The following PAQR8 variants were observed in gnomAD, a reference collection of about 807,000 sequenced individuals.
PAQR8 encodes the protein progestin and adipoQ receptor family member 8, also known as membrane progestin receptor beta.
A neutral mutation model predicts 25.2 loss-of-function variants in PAQR8; 17 were observed. That is an observed-to-expected ratio of 0.67 (90% CI 0.46 to 1.01). The LOEUF is 1.01. Ranked by LOEUF, PAQR8 falls within the 50% of genes least tolerant of loss-of-function variation. The pLI is 0.00. For synonymous variants in PAQR8, 204 were observed against 190.6 expected (o/e 1.07, Z -0.58); for missense variants, 392 against 448.4 (o/e 0.87, Z 1.14).
At chr6:52,396,750 G>C (rs1763771492) in intron 1 of PAQR8, among the ~76,000 whole-genome samples, 1 of 152,200 alleles carries the variant, frequency 6.6e-6, no homozygotes, top group African/African-American at 2.4e-5. Flanking sequence ...GAAATGTTGA[G>C]ATAAAATCAG....
intron 1 of PAQR8, among the ~76,000 whole-genome samples, chr6:52,368,424 A>T (rs746755008): frequency 6.6e-6 from 1 of 151,908 alleles, no homozygotes; most frequent in East Asian, 1.9e-4. Flanking sequence ...AGATTTTTTT[A>T]ATTTTTGGGT....
rs761912288 is a variant in PAQR8 at position 52,404,303 on chromosome 6, G to A, written c.*25G>A. The A allele has an allele frequency of 2.0e-6, 3 of 1,530,718 alleles. No individual in the cohort carries two copies. The highest frequency in any genetic ancestry group is 1.2e-5 in the South Asian group (1 of 82,494). The allele number at this position is 1,530,718 out of a possible 1,614,324, so 94.8% of individuals were successfully genotyped here. A position where few individuals can be genotyped will look rare whatever the true frequency, so the allele number is the denominator to read the frequency against. ...AGGCTGGCAAGTGGGGCAACGTGTG[G>A]AGGAAGCCCCTCATAATTTGGAGAA... On this transcript the variant is annotated 3_prime_UTR_variant, in exon 2 of 2. Coordinates refer to ENST00000442253, the MANE Select transcript of PAQR8 (RefSeq NM_133367.5).
intron 1 of PAQR8, among the ~76,000 whole-genome samples, chr6:52,379,829 G>A (rs983413481): frequency 3.3e-5 from 5 of 152,024 alleles, no homozygotes; most frequent in African/African-American, 9.7e-5. Flanking sequence ...GGGTTTCACC[G>A]TGTTAGCCAG....
chr6:52,378,928 CT>C (rs1362858558), intron 1 of PAQR8, among the ~76,000 whole-genome samples: 3 of 151,772 alleles, frequency 2.0e-5, no homozygotes, highest in African/African-American at 7.3e-5. Context: ...GAAACCCCTT[CT>C]CTACTAAAAA....
chr6:52,388,691 C>T (rs1405000136), intron 1 of PAQR8, among the ~76,000 whole-genome samples: 1 of 152,158 alleles, frequency 6.6e-6, no homozygotes, highest in Non-Finnish European at 1.5e-5. Flanking sequence ...CTTTTGCAGC[C>T]TCTAGAAACT....
chr6:52,398,825 A>T (rs1444363405), intron 1 of PAQR8, among the ~76,000 whole-genome samples: 1 of 152,170 alleles, frequency 6.6e-6, no homozygotes, highest in East Asian at 1.9e-4. Context: ...AAGTGCTGGG[A>T]TTTACAGGCG....
Position 52,401,615 on chromosome 6 carries a change from G to A in PAQR8, c.-52-1547G>A, listed in dbSNP as rs149912273. Among the ~76,000 whole-genome samples, 1,119 of 152,188 alleles carry A rather than the reference G, an allele frequency of 7.4e-3. 12 individuals carry two copies. Among genetic ancestry groups the A allele is most frequent in the Non-Finnish European group, 6.9e-3 (470 of 67,990 alleles). On this transcript the variant is annotated intron_variant, in intron 1 of 1. Transcript: ENST00000442253. ...AGCATAATTTAAAAAATGAACAACA[G>A]TCTTTGCAATGAGATTTTATGTTAA...
chr6:52,372,552 A>G (rs1763431020), intron 1 of PAQR8, among the ~76,000 whole-genome samples: 1 of 152,130 alleles, frequency 6.6e-6, no homozygotes, highest in South Asian at 2.1e-4. Flanking sequence ...ACAACAGATT[A>G]CATTTAATGA....
rs377157923 is a variant in PAQR8, at chr6:52,403,276, C to T, written c.63C>T (p.Arg21=). The T allele has an allele frequency of 1.2e-6, 2 of 1,612,680 alleles. No homozygotes were observed. The highest frequency in any genetic ancestry group is 1.7e-6 in the Non-Finnish European group (2 of 1,178,898). Residue 21 remains arginine, a synonymous_variant, in exon 2 of 2, where the codon CGC becomes CGT. Coordinates refer to ENST00000442253, the MANE Select transcript of PAQR8 (RefSeq NM_133367.5). The stretch of plus-strand genomic sequence containing the variant: ...CGGTCAGCGGGCAGCAGCTGCGCCG[C>T]CTGCCCAAGATCCTGGAGGATGGGC... ...TLSVSGQQLR[R]LPKILEDGLP...
At chr6:52,368,152 CAT>C (rs924859770) in intron 1 of PAQR8, among the ~76,000 whole-genome samples, 6 of 152,196 alleles carry the variant, frequency 3.9e-5, no homozygotes, top group Admixed American at 6.5e-5. Context: ...ACACGAGCCA[CAT>C]GAGTGAGTAA....
At position 52,406,194 on chromosome 6, in the gene PAQR8, G is replaced by A. The variant is rs10807445; in HGVS notation, c.*1916G>A. Reference sequence around the variant, plus strand: ...GAGGATGGGGGAATTGTGCAAATACGTTGTTAGTAGAAGGTCAATTTAAAA... The same window carrying A: ...GAGGATGGGGGAATTGTGCAAATACATTGTTAGTAGAAGGTCAATTTAAAA... On this transcript the variant is annotated 3_prime_UTR_variant, in exon 2 of 2. Transcript: ENST00000442253. 52,821 of 267,848 alleles carry A rather than the reference G, an allele frequency of 0.2. 6,364 individuals carry two copies. Among genetic ancestry groups the A allele is most frequent in the Non-Finnish European group, 0.26 (35,469 of 134,760 alleles). 16.6% of individuals were successfully genotyped at this position (267,848 alleles called of 1,614,324 possible).
At chr6:52,368,689 T>A (rs1763382989) in intron 1 of PAQR8, among the ~76,000 whole-genome samples, 3 of 152,204 alleles carry the variant, frequency 2.0e-5, no homozygotes, top group African/African-American at 7.2e-5. Context: ...CTGGACAGTT[T>A]TCAAAGTAGT....
In PAQR8 at chr6:52,403,186, C is replaced by G. The variant is rs369803709; in HGVS notation, c.-28C>G. 3.2e-6 allele frequency: 5 copies of G among 1,571,828 alleles called. No individual in the cohort carries two copies. The African/African-American group carries it at 6.8e-5, about 21-fold the overall frequency. ...GGTTGCATACCCTGTCCTGAGGGCGCGGCACGGAGTGCATGCGGGCCGCTG... is the reference window on the plus strand; with the variant it reads ...GGTTGCATACCCTGTCCTGAGGGCGGGGCACGGAGTGCATGCGGGCCGCTG... On this transcript the variant is annotated 5_prime_UTR_variant, in exon 2 of 2. Transcript: ENST00000442253.
At chr6:52,389,969 T>C (rs1763681176) in intron 1 of PAQR8, among the ~76,000 whole-genome samples, 1 of 152,160 alleles carries the variant, frequency 6.6e-6, no homozygotes, top group Non-Finnish European at 1.5e-5. Flanking sequence ...AAGCCGATAG[T>C]TACACTCATG....
intron 1 of PAQR8, among the ~76,000 whole-genome samples, chr6:52,375,344 AATAAGTAGTCT>A (rs1488188263): frequency 6.6e-6 from 1 of 152,152 alleles, no homozygotes; most frequent in Non-Finnish European, 1.5e-5. Context: ...CCATCTCCTA[AATAAGTAGTCT>A]ATAAAGCCCT....
At chr6:52,376,872 G>C (rs548071097) in intron 1 of PAQR8, among the ~76,000 whole-genome samples, 1 of 152,340 alleles carries the variant, frequency 6.6e-6, no homozygotes, top group Non-Finnish European at 1.5e-5. Context: ...GAAATAGCAA[G>C]TTGGGAATGA....
At chr6:52,401,921 A>G (rs890883523) in intron 1 of PAQR8, among the ~76,000 whole-genome samples, 1 of 152,232 alleles carries the variant, frequency 6.6e-6, no homozygotes, top group African/African-American at 2.4e-5. Flanking sequence ...TAATATCGAG[A>G]AAAGCCCATA....
At chr6:52,401,209 C>T (rs976094907) in intron 1 of PAQR8, among the ~76,000 whole-genome samples, 5 of 152,142 alleles carry the variant, frequency 3.3e-5, no homozygotes, top group African/African-American at 1.2e-4. Flanking sequence ...TTGATTGAGA[C>T]GTATGAGTAG....
intron 1 of PAQR8, among the ~76,000 whole-genome samples, chr6:52,384,782 A>G (rs1763610531): frequency 6.6e-6 from 1 of 152,254 alleles, no homozygotes; most frequent in Non-Finnish European, 1.5e-5. Flanking sequence ...TATAGTAACC[A>G]AAAGGCTACA....
Sources: allele counts gnomAD v4.1 joint callset (sites outside exome capture counted in the v4.1 genomes callset), GRCh38; gene constraint gnomAD v4.1.1; transcripts MANE v1.5; gene names NCBI Gene and HGNC (gene_info 2026-07-23, HGNC 2026-07-21).